Variants in IL1RAPL1 observed in about 807,000 individuals in gnomAD.
The protein encoded by IL1RAPL1 is interleukin-1 receptor accessory protein-like 1.
In IL1RAPL1, 3 loss-of-function variants were observed where a neutral mutation model predicts 48.4. That is an observed-to-expected ratio of 0.06 (90% CI 0.03 to 0.16). The LOEUF is 0.16. Among genes scored for constraint, IL1RAPL1 ranks in the 10% least tolerant of loss-of-function variants. The probability of loss-of-function intolerance (pLI) is 1.00; values close to 1 mark genes in which losing one functional copy is unlikely to be tolerated. For missense variants in IL1RAPL1, 349 were observed against 530.6 expected (o/e 0.66, Z 3.36); for synonymous variants, 185 against 187.7 (o/e 0.99, Z 0.12).
intron 2 of IL1RAPL1, among the ~76,000 whole-genome samples, chrX:29,162,677 G>A (rs1315668492): frequency 1.8e-5 from 2 of 110,515 alleles, no homozygotes; most frequent in African/African-American, 6.6e-5. Context: ...CTTAAATATC[G>A]CCCAGGGAGT....
chrX:28,905,535 A>C (rs963617461), intron 2 of IL1RAPL1, among the ~76,000 whole-genome samples: 1 of 111,829 alleles, frequency 8.9e-6, no homozygotes, highest in South Asian at 3.7e-4. Context: ...TGGGAATGGA[A>C]TGGTGAGATT....
intron 2 of IL1RAPL1, among the ~76,000 whole-genome samples, chrX:29,009,682 G>A (rs1257838042): frequency 8.9e-6 from 1 of 112,219 alleles, no homozygotes; most frequent in Non-Finnish European, 1.9e-5. Context: ...TTTCAAATCA[G>A]GTAAAGTGAT....
At chrX:28,799,973 G>A (rs1936655014) in intron 2 of IL1RAPL1, among the ~76,000 whole-genome samples, 1 of 111,429 alleles carries the variant, frequency 9.0e-6, no homozygotes, top group Non-Finnish European at 1.9e-5. Flanking sequence ...GTTTCCTGTG[G>A]CTTCTGTAAC....
intron 2 of IL1RAPL1, among the ~76,000 whole-genome samples, chrX:29,131,536 C>G (rs1257305132): frequency 9.0e-6 from 1 of 110,837 alleles, no homozygotes; most frequent in African/African-American, 3.3e-5. Flanking sequence ...TCCATTTAAC[C>G]AGTAATGCAC....
In IL1RAPL1 at chrX:28,672,288, T is replaced by C. The variant is rs182002083; in HGVS notation, c.-25+84241T>C. Among the ~76,000 whole-genome samples, 407 of 111,866 alleles carry C rather than the reference T, an allele frequency of 3.6e-3. 2 individuals are homozygous for C. Among genetic ancestry groups the C allele is most frequent in the African/African-American group, 0.013 (386 of 30,845 alleles). ...TAAACATGATAAATTAAGGGAGTCT[T>C]GTTACCCTGAGAGATGTAACTTTAT... On this transcript the variant is annotated intron_variant, in intron 1 of 10. Coordinates refer to ENST00000378993, the MANE Select transcript of IL1RAPL1 (RefSeq NM_014271.4).
At chrX:28,754,366 T>C (rs1936083524) in intron 1 of IL1RAPL1, among the ~76,000 whole-genome samples, 1 of 112,628 alleles carries the variant, frequency 8.9e-6, no homozygotes. Flanking sequence ...TTTAACTTGC[T>C]CCTTTACCAT....
chrX:29,351,566 G>A (rs932767087), intron 3 of IL1RAPL1, among the ~76,000 whole-genome samples: 2 of 112,278 alleles, frequency 1.8e-5, no homozygotes, highest in Admixed American at 9.4e-5. Flanking sequence ...ATGCCGAAAG[G>A]TTTTCTTTCA....
intron 2 of IL1RAPL1, among the ~76,000 whole-genome samples, chrX:28,922,065 C>T (rs540218857): frequency 6.3e-5 from 7 of 111,488 alleles, no homozygotes; most frequent in African/African-American, 1.6e-4. Flanking sequence ...CGGTGGCTCT[C>T]GCCTGTTGAG....
intron 1 of IL1RAPL1, among the ~76,000 whole-genome samples, chrX:28,704,271 T>G (rs181798489): frequency 9.0e-6 from 1 of 110,746 alleles, no homozygotes; most frequent in Non-Finnish European, 1.9e-5. Flanking sequence ...TAATCTCCCT[T>G]TTTTTTCATT....
At chrX:29,544,317 C>G (rs1421028725) in intron 5 of IL1RAPL1, among the ~76,000 whole-genome samples, 1 of 112,124 alleles carries the variant, frequency 8.9e-6, no homozygotes, top group Non-Finnish European at 1.9e-5. Context: ...CATTGCATAT[C>G]GACTTATTCA....
chrX:29,610,581 C>G, intron 5 of IL1RAPL1, among the ~76,000 whole-genome samples: 1 of 112,300 alleles, frequency 8.9e-6, no homozygotes, highest in East Asian at 2.8e-4. Flanking sequence ...TGTATTCTCA[C>G]CAAAAGATAA....
chrX:29,826,463 A>C (rs148674922), intron 6 of IL1RAPL1, among the ~76,000 whole-genome samples: 263 of 111,927 alleles, frequency 2.3e-3, no homozygotes, highest in African/African-American at 8.1e-3. Flanking sequence ...TGCAAGCATC[A>C]TCCATTATTA....
chrX:29,265,520 T>C (rs1318008610), intron 2 of IL1RAPL1, among the ~76,000 whole-genome samples: 2 of 107,374 alleles, frequency 1.9e-5, no homozygotes, highest in Non-Finnish European at 3.8e-5. Context: ...GTGCACAATG[T>C]GCAGGTTAGT....
chrX:29,831,941 G>A (rs895689024), intron 6 of IL1RAPL1, among the ~76,000 whole-genome samples: 6 of 111,450 alleles, frequency 5.4e-5, no homozygotes, highest in African/African-American at 2.0e-4. Context: ...AATATACAAA[G>A]AGAACTAAAT....
At chrX:29,583,254 A>AT (rs1923039479) in intron 5 of IL1RAPL1, among the ~76,000 whole-genome samples, 1 of 55,955 alleles carries the variant, frequency 1.8e-5, no homozygotes, top group Admixed American at 2.2e-4. Context: ...AGGGTATTCA[A>AT]TTAGGAAAAG....
At chrX:28,934,970 T>G (rs1436430514) in intron 2 of IL1RAPL1, among the ~76,000 whole-genome samples, 1 of 111,738 alleles carries the variant, frequency 8.9e-6, no homozygotes, top group Non-Finnish European at 1.9e-5. Context: ...TTTTATATTC[T>G]CATTATCTAA....
chrX:29,611,224 A>C (rs1362846426), intron 5 of IL1RAPL1, among the ~76,000 whole-genome samples: 1 of 111,062 alleles, frequency 9.0e-6, no homozygotes, highest in African/African-American at 3.3e-5. Context: ...GTCCAATAAG[A>C]AACATTTTAC....
chrX:28,874,318 G>A (rs1229763099), intron 2 of IL1RAPL1, among the ~76,000 whole-genome samples: 1 of 112,010 alleles, frequency 8.9e-6, no homozygotes, highest in Non-Finnish European at 1.9e-5. Context: ...TAAGCCTGAA[G>A]TATCCACCAT....
intron 2 of IL1RAPL1, among the ~76,000 whole-genome samples, chrX:29,184,267 G>A (rs932891002): frequency 9.0e-6 from 1 of 111,689 alleles, no homozygotes; most frequent in East Asian, 2.8e-4. Context: ...TCCCAGCAAC[G>A]AATATAGTAT....
Sources: gnomAD v4.1 joint callset for allele counts (sites outside exome capture counted in the v4.1 genomes callset) on GRCh38, gnomAD v4.1.1 for gene constraint, MANE v1.5 for transcripts, NCBI Gene and HGNC (gene_info 2026-07-23, HGNC 2026-07-21) for gene names.